Variants in EEPD1 observed in about 807,000 individuals in gnomAD.
EEPD1 encodes endonuclease/exonuclease/phosphatase family domain containing 1, also known as endonuclease/exonuclease/phosphatase family domain-containing protein 1.
Under a neutral mutation model 46.3 loss-of-function variants are expected in EEPD1, and 17 were observed. That is an observed-to-expected ratio of 0.37 (90% CI 0.25 to 0.55). The LOEUF (loss-of-function observed/expected upper bound fraction) is 0.55. Among genes scored for constraint, EEPD1 ranks in the 20% least tolerant of loss-of-function variants. The pLI, the probability that EEPD1 is intolerant of heterozygous loss-of-function variation, is 0.83. For synonymous variants in EEPD1, 313 were observed against 315.6 expected, an observed-to-expected ratio of 0.99 and a Z score of 0.09; for missense variants, 673 against 745.6, an observed-to-expected ratio of 0.90 and a Z score of 1.13.
At chr7:36,174,439 C>G (rs1003945055) in intron 2 of EEPD1, among the ~76,000 whole-genome samples, 7 of 152,190 alleles carry the variant, frequency 4.6e-5, no homozygotes, top group Non-Finnish European at 7.3e-5. Flanking sequence ...CATTAGGGCC[C>G]TGGAGGGAAT....
intron 3 of EEPD1, among the ~76,000 whole-genome samples, chr7:36,254,225 C>T (rs1339773136): frequency 2.6e-5 from 4 of 151,996 alleles, no homozygotes; most frequent in Non-Finnish European, 5.9e-5. Flanking sequence ...GGTTTGTGTA[C>T]CCATCAACCC....
intron 2 of EEPD1, among the ~76,000 whole-genome samples, chr7:36,192,663 A>G (rs1427157247): frequency 6.6e-6 from 1 of 152,256 alleles, no homozygotes; most frequent in Non-Finnish European, 1.5e-5. Context: ...CACCTGGGTT[A>G]TGAAATAGCC....
chr7:36,190,735 G>C (rs537975518), intron 2 of EEPD1, among the ~76,000 whole-genome samples: 1 of 152,166 alleles, frequency 6.6e-6, no homozygotes, highest in African/African-American at 2.4e-5. Flanking sequence ...ACTAATCCAG[G>C]TACAGCTATA....
chr7:36,222,114 T>G (rs1221139787), intron 2 of EEPD1, among the ~76,000 whole-genome samples: 2 of 152,214 alleles, frequency 1.3e-5, no homozygotes, highest in African/African-American at 4.8e-5. Flanking sequence ...AATTGAAAAT[T>G]CACATAGAAC....
At position 36,193,583 on chromosome 7, in the gene EEPD1, C is replaced by T. The variant is rs1309161112; in HGVS notation, c.878+38381C>T. On this transcript the variant is annotated intron_variant, in intron 2 of 7. Coordinates refer to ENST00000242108, the MANE Select transcript of EEPD1 (RefSeq NM_030636.3). The surrounding 1 kb of genome is among the most constrained non-coding windows in gnomAD (Gnocchi z 4.9). ...AGTGCTGCCCAGAGGTGCTGGGTCC[C>T]CTGTCCTAGGAGAGTCCTGTGTCTA... Among the ~76,000 whole-genome samples the T allele has an allele frequency of 6.6e-6, 1 of 152,148 alleles. No individual in the cohort carries two copies. The highest frequency in any genetic ancestry group is 2.4e-5 in the African/African-American group (1 of 41,424).
intron 2 of EEPD1, among the ~76,000 whole-genome samples, chr7:36,206,240 C>A (rs1785815208): frequency 6.6e-6 from 1 of 152,104 alleles, no homozygotes; most frequent in Non-Finnish European, 1.5e-5. Flanking sequence ...GAGAACAGTT[C>A]TCAGTGGACT....
chr7:36,300,751 G>C lies in EEPD1; in HGVS notation c.*1545G>C, dbSNP rs1248512045. The C allele has an allele frequency of 6.6e-6, 1 of 152,186 alleles. No individual in the cohort carries two copies. 9.4% of individuals were successfully genotyped at this position (152,186 alleles called of 1,614,324 possible). ...GGGCCACCTGGCTCCAAGAAGCATC[G>C]CTGGTCTTGGGGACGGGAAGGGAAC... On this transcript the variant is annotated 3_prime_UTR_variant, in exon 8 of 8. Transcript: ENST00000242108.
At chr7:36,293,313 G>A (rs980845696) in intron 6 of EEPD1, among the ~76,000 whole-genome samples, 2 of 152,114 alleles carry the variant, frequency 1.3e-5, no homozygotes, top group Non-Finnish European at 2.9e-5. Context: ...CGAGGTACCC[G>A]TCCTTTCCAT....
At chr7:36,260,855 C>G (rs1309008032) in intron 3 of EEPD1, among the ~76,000 whole-genome samples, 3 of 152,236 alleles carry the variant, frequency 2.0e-5, no homozygotes, top group Non-Finnish European at 1.5e-5. Flanking sequence ...TGTTGCATCT[C>G]TACTGAACTT....
intron 2 of EEPD1, among the ~76,000 whole-genome samples, chr7:36,204,750 G>A (rs1049821454): frequency 2.0e-5 from 3 of 152,160 alleles, no homozygotes; most frequent in Non-Finnish European, 2.9e-5. Context: ...TCTATATTCC[G>A]GAAGGCCTCC....
At chr7:36,174,943 C>T (rs369485992) in intron 2 of EEPD1, among the ~76,000 whole-genome samples, 6 of 152,172 alleles carry the variant, frequency 3.9e-5, no homozygotes, top group Non-Finnish European at 7.3e-5. Flanking sequence ...AGAGTAGGCT[C>T]AGAGAGACTC....
rs557370699 is a variant in EEPD1 at position 36,281,122 on chromosome 7, C to A, written c.938C>A (p.Thr313Lys). The A allele has an allele frequency of 3.1e-6, 5 of 1,613,916 alleles. No homozygotes were observed. The highest frequency in any genetic ancestry group is 1.6e-4 in the Middle Eastern group (1 of 6,084). The change falls in exon 4 of 8, where the codon ACG becomes AAG. Residue 313 changes from threonine to lysine, a missense_variant. Thr to Lys is a moderately conservative substitution (Grantham distance 78, BLOSUM62 -1). Transcript: ENST00000242108. ...LDREALEKFC[T>K]ELNQPTLPNI... ...TGTGCTCTGTCTTTGCAGTTCTGCA[C>A]GGAGCTAAACCAGCCGACCCTGCCC...
chr7:36,296,030 C>CA (rs34494609), intron 6 of EEPD1, among the ~76,000 whole-genome samples: 5,061 of 71,976 alleles, frequency 0.07, 1,096 homozygotes, highest in African/African-American at 0.24. Flanking sequence ...GACTGTCTCA[C>CA]AAAAAAAAAA....
chr7:36,248,276 C>T (rs1214019729), intron 3 of EEPD1, among the ~76,000 whole-genome samples: 1 of 151,602 alleles, frequency 6.6e-6, no homozygotes, highest in East Asian at 1.9e-4. Context: ...GCAATCTCAG[C>T]TCATTGCAAC....
At chr7:36,169,548 A>G (rs991079989) in intron 2 of EEPD1, among the ~76,000 whole-genome samples, 2 of 152,192 alleles carry the variant, frequency 1.3e-5, no homozygotes, top group Non-Finnish European at 2.9e-5. Context: ...AAAAATGTCT[A>G]TTCAGATCTG....
intron 2 of EEPD1, among the ~76,000 whole-genome samples, chr7:36,173,346 A>AAG (rs1244411054): frequency 4.6e-5 from 7 of 150,836 alleles, no homozygotes; most frequent in African/African-American, 1.7e-4. Context: ...AAAAAAAAAA[A>AAG]AACTTAGCTG....
chr7:36,185,653 T>A (rs1445889398), intron 2 of EEPD1, among the ~76,000 whole-genome samples: 1 of 148,844 alleles, frequency 6.7e-6, no homozygotes, highest in Non-Finnish European at 1.5e-5. Context: ...ATGTTGCTAC[T>A]CTAGGAAGAT....
intron 2 of EEPD1, among the ~76,000 whole-genome samples, chr7:36,205,467 C>T (rs1262660270): frequency 6.6e-6 from 1 of 152,150 alleles, no homozygotes; most frequent in African/African-American, 2.4e-5. Context: ...AAGATATGGC[C>T]CACATTTTAG....
rs545027185 is a variant in EEPD1, at chr7:36,196,876, G to A, written c.878+41674G>A. Among the ~76,000 whole-genome samples the A allele has an allele frequency of 7.0e-3, 1,000 of 142,736 alleles. 12 individuals carry two copies. Among genetic ancestry groups the A allele is most frequent in the African/African-American group, 0.025 (934 of 37,870 alleles). 93.6% of individuals were successfully genotyped at this position (142,736 alleles called of 152,430 possible). A position where few individuals can be genotyped will look rare whatever the true frequency, so the allele number is the denominator to read the frequency against. On this transcript the variant is annotated intron_variant, in intron 2 of 7. Transcript: ENST00000242108. ...GAGCGTCTCTGCCTGGCCGCCCATC[G>A]TCTGGGATGTGAGGAGCCCCTCTGC...
Sources: gnomAD v4.1 joint callset for allele counts (sites outside exome capture counted in the v4.1 genomes callset) on GRCh38, gnomAD v4.1.1 for gene constraint, Gnocchi (gnomAD v3.1) non-coding constraint, MANE v1.5 for transcripts, NCBI Gene and HGNC (gene_info 2026-07-23, HGNC 2026-07-21) for gene names.